LTN1: variants seen among roughly 807,000 people sequenced by gnomAD.
LTN1 encodes the protein listerin E3 ubiquitin protein ligase 1, also known as E3 ubiquitin-protein ligase listerin.
In LTN1, 88 loss-of-function variants were observed where a neutral mutation model predicts 201.2. The ratio of observed to expected loss-of-function variants is 0.44; its 90% CI spans 0.37 to 0.52. The LOEUF (loss-of-function observed/expected upper bound fraction) is 0.52, where lower values mean the gene tolerates loss of function less well. LTN1 is among the 20% of genes least tolerant of loss of function. The probability of loss-of-function intolerance (pLI) is 0.00; values close to 1 mark genes in which losing one functional copy is unlikely to be tolerated. For synonymous variants in LTN1, 645 were observed against 713.5 expected, an observed-to-expected ratio of 0.90 and a Z score of 1.53; for missense variants, 1,752 against 2,038.7, an observed-to-expected ratio of 0.86 and a Z score of 2.71.
chr21:28,930,379 T>C lies in LTN1; in HGVS notation c.*69A>G, dbSNP rs2146249182. ...CTCACTGGCTTCCCCACATCCACAC[T>C]TTCAGACGGATCCAAATCCAATGCC... On this transcript the variant is annotated 3_prime_UTR_variant, in exon 30 of 30. Transcript: ENST00000361371. 1 of 1,255,226 alleles carries C rather than the reference T, an allele frequency of 8.0e-7. No homozygotes were observed. Among genetic ancestry groups the C allele is most frequent in the Non-Finnish European group, 1.2e-6 (1 of 865,212 alleles). 77.8% of individuals were successfully genotyped at this position (1,255,226 alleles called of 1,614,324 possible).
intron 6 of LTN1, among the ~76,000 whole-genome samples, chr21:28,976,948 TCTAA>T (rs2084619919): frequency 6.6e-6 from 1 of 152,016 alleles, no homozygotes; most frequent in Non-Finnish European, 1.5e-5. Context: ...TTAGATGGGG[TCTAA>T]CTATGTCATG....
At chr21:28,948,593 T>A (rs1445164812) in intron 18 of LTN1, among the ~76,000 whole-genome samples, 1 of 152,120 alleles carries the variant, frequency 6.6e-6, no homozygotes, top group African/African-American at 2.4e-5. Flanking sequence ...TATTTGTGCA[T>A]ATATATAGTT....
At chr21:28,943,432 TAA>T in intron 23 of LTN1, 96 bp from the exon 24 acceptor site, 2 of 763,074 alleles carry the variant, frequency 2.6e-6, no homozygotes, top group Non-Finnish European at 4.4e-6. Flanking sequence ...TTATAATGAG[TAA>T]ATGTTTTAAT....
At chr21:28,970,514 CTG>C (rs2084564848) in intron 8 of LTN1, 36 bp downstream of exon 8, 3 of 1,356,718 alleles carry the variant, frequency 2.2e-6, no homozygotes, top group Non-Finnish European at 3.1e-6. Context: ...ACAAGAAAAT[CTG>C]TTTTGTTTTA....
In LTN1 at chr21:28,971,278, G is replaced by T. The variant is rs149697772; in HGVS notation, c.977C>A (p.Thr326Asn). The change falls in exon 7 of 30, where the codon ACT becomes AAT. Residue 326 changes from threonine (T) to asparagine (N), a missense_variant. Coordinates refer to ENST00000361371, the MANE Select transcript of LTN1 (RefSeq NM_015565.3). Reference sequence around the variant, plus strand: ...TGTGCCTCTCTTACATACCTCAATAGTTGTAAGTGTATAGAGTACAGCTTC... The same window carrying T: ...TGTGCCTCTCTTACATACCTCAATATTTGTAAGTGTATAGAGTACAGCTTC... ...LWEAVLYTLT[T>N]IEDCWLHVNA... 1.2e-6 allele frequency: 2 copies of T among 1,612,928 alleles called. No individual in the cohort carries two copies. Among genetic ancestry groups the T allele is most frequent in the Non-Finnish European group, 1.7e-6 (2 of 1,179,312 alleles).
intron 10 of LTN1, 150 bp from the exon 11 acceptor site, chr21:28,966,056 C>T (rs1033800185): frequency 1.1e-4 from 68 of 610,296 alleles, no homozygotes; most frequent in Non-Finnish European, 1.7e-4. Context: ...TACATGCATG[C>T]GCCAACATGC....
At position 28,943,686 on chromosome 21, in the gene LTN1, C is replaced by G. The variant is rs376034413; in HGVS notation, c.4201G>C (p.Val1401Leu). 82 of 1,608,866 alleles carry G rather than the reference C, an allele frequency of 5.1e-5. No individual in the cohort carries two copies. The highest frequency in any genetic ancestry group is 6.6e-5 in the Non-Finnish European group (77 of 1,175,454). ...LFRARPVQIA[V>L]YHMLYKLMPE... ...TCTTACTTGTATAGCATATGATAAA[C>G]AGCAATTTGCACAGGCCTAGCTCTG... The change falls in exon 23 of 30, where the codon GTT becomes CTT. Residue 1401 changes from valine (V) to leucine (L), a missense_variant. Physicochemically the swap from Val to Leu is conservative, Grantham distance 32. Transcript: ENST00000361371.
intron 25 of LTN1, among the ~76,000 whole-genome samples, chr21:28,937,387 T>TA (rs1056835138): frequency 1.3e-5 from 2 of 152,198 alleles, no homozygotes; most frequent in Admixed American, 6.5e-5. Context: ...CTTTTCTTTT[T>TA]AAAAAATTTG....
intron 1 of LTN1, among the ~76,000 whole-genome samples, chr21:28,990,927 G>A (rs1177029496): frequency 6.6e-6 from 1 of 151,380 alleles, no homozygotes; most frequent in African/African-American, 2.4e-5. Flanking sequence ...TGTTAAAACG[G>A]TTTATCTTTT....
chr21:28,984,745 G>A lies in LTN1; in HGVS notation c.523C>T (p.Pro175Ser). The change falls in exon 4 of 30, where the codon CCT becomes TCT. Residue 175 changes from proline to serine, a missense_variant. Pro to Ser is a moderately conservative substitution (Grantham distance 74). Coordinates refer to ENST00000361371, the MANE Select transcript of LTN1 (RefSeq NM_015565.3). ...AAKDAFEAAF[P>S]PSKQPEAIAF... ...ATGGCTTCAGGTTGCTTGCTTGGAG[G>A]AAAAGCCGCTTCAAATGCATCTTTT... 2 of 1,614,022 alleles carry A rather than the reference G, an allele frequency of 1.2e-6. No individual in the cohort carries two copies. Among genetic ancestry groups the A allele is most frequent in the Non-Finnish European group, 1.7e-6 (2 of 1,179,996 alleles).
Position 28,965,370 on chromosome 21 carries a change from T to C in LTN1, c.2163+495A>G, listed in dbSNP as rs114870688. ...TTTGTAAATTGTTTATGTTCTTTCA[T>C]TTCTTTTCATTATTCTTACCACTAA... On this transcript the variant is annotated intron_variant, in intron 11 of 29. Transcript: ENST00000361371. 2.7e-4 allele frequency among the ~76,000 whole-genome samples: 41 copies of C among 152,336 alleles called. 1 individual carries two copies. Among genetic ancestry groups the C allele is most frequent in the African/African-American group, 9.9e-4 (41 of 41,584 alleles).
intron 19 of LTN1, among the ~76,000 whole-genome samples, chr21:28,946,852 T>C (rs1476104810): frequency 1.3e-5 from 2 of 152,188 alleles, no homozygotes; most frequent in African/African-American, 4.8e-5. Flanking sequence ...TGTACCCTTG[T>C]ATGTTTTTGT....
Position 28,943,255 on chromosome 21 carries a change from A to G in LTN1, c.4295+7T>C. On this transcript the variant is annotated splice_region_variant and intron_variant, in intron 24 of 29. Transcript: ENST00000361371. ...TTAATAAAACAAATTATTTAAAAAA[A>G]CCTTACAAGGCTGGCTCTTCTTCTT... The G allele has an allele frequency of 1.3e-6, 2 of 1,572,714 alleles. No homozygotes were observed.
chr21:28,938,177 G>A (rs2084270811), intron 25 of LTN1, among the ~76,000 whole-genome samples: 1 of 152,048 alleles, frequency 6.6e-6, no homozygotes, highest in Non-Finnish European at 1.5e-5. Context: ...TGGGACAACT[G>A]AAAGTATCTA....
rs1382674276 is a variant in LTN1, at chr21:28,950,579, G to A, written c.3344+1581C>T. 2.6e-5 allele frequency among the ~76,000 whole-genome samples: 4 copies of A among 152,264 alleles called. No individual in the cohort carries two copies. The East Asian group carries it at 5.8e-4, about 22-fold the overall frequency. On this transcript the variant is annotated intron_variant, in intron 18 of 29. Coordinates refer to ENST00000361371, the MANE Select transcript of LTN1 (RefSeq NM_015565.3). Reference sequence around the variant, plus strand: ...TGCCCAGGCTGGAGTGCAGTGGCGTGATCTCTGCTCACTGCAACCTCCACC... The same window carrying A: ...TGCCCAGGCTGGAGTGCAGTGGCGTAATCTCTGCTCACTGCAACCTCCACC...
In LTN1 at chr21:28,933,003, G is replaced by C. The variant is rs930905164; in HGVS notation, c.4876-339C>G. ...GCTTCTCTTCCACACCCAGAGTATC[G>C]AATGTCACTTCTACATCTAACAATT... On this transcript the variant is annotated intron_variant, in intron 27 of 29. Transcript: ENST00000361371. Among the ~76,000 whole-genome samples, 4 of 152,076 alleles carry C rather than the reference G, an allele frequency of 2.6e-5. No homozygotes were observed. In the South Asian group the frequency reaches 8.3e-4, roughly 31 times the overall value.
At position 28,956,956 on chromosome 21, in the gene LTN1, A is replaced by G; in HGVS notation, c.2893-8T>C. On this transcript the variant is annotated splice_polypyrimidine_tract_variant and splice_region_variant and intron_variant, in intron 15 of 29. Transcript: ENST00000361371. Reference sequence around the variant, plus strand: ...AAGAGGTCTATGTAACCACTGTGAAAAGAATACGTTATATACAAAATTATT... The same window carrying G: ...AAGAGGTCTATGTAACCACTGTGAAGAGAATACGTTATATACAAAATTATT... The G allele has an allele frequency of 6.5e-7, 1 of 1,535,484 alleles. No homozygotes were observed. The highest frequency in any genetic ancestry group is 8.8e-7 in the Non-Finnish European group (1 of 1,130,324).
At position 28,946,213 on chromosome 21, in the gene LTN1, C is replaced by T; in HGVS notation, c.3562G>A (p.Gly1188Arg). 6.3e-7 allele frequency: 1 copy of T among 1,587,160 alleles called. No homozygotes were observed. Among genetic ancestry groups the T allele is most frequent in the Non-Finnish European group, 8.6e-7 (1 of 1,167,106 alleles). The change falls in exon 20 of 30, where the codon GGA (glycine) becomes AGA (arginine). Residue 1188 changes from glycine to arginine, a missense_variant. Around this residue, in one of 3 missense-constraint regions of LTN1, gnomAD observed 1,211 missense variants for 1,312.8 expected, o/e 0.92. Transcript: ENST00000361371. ...KSIDDGELLH[G>R]ILKIIISWKK... Reference sequence around the variant, plus strand: ...CAGGATATTATGATTTTTAATATTCCATGTAATAGCTCTCCATCATCTATA... The same window carrying T: ...CAGGATATTATGATTTTTAATATTCTATGTAATAGCTCTCCATCATCTATA...
In LTN1 at chr21:28,958,379, AG is replaced by A; in HGVS notation, c.2747+6del. The A allele has an allele frequency of 1.3e-6, 2 of 1,593,448 alleles. No individual in the cohort carries two copies. The highest frequency in any genetic ancestry group is 1.7e-6 in the Non-Finnish European group (2 of 1,174,656). On this transcript the variant is annotated splice_donor_region_variant and intron_variant, in intron 14 of 29. Coordinates refer to ENST00000361371, the MANE Select transcript of LTN1 (RefSeq NM_015565.3). ...GAGACACTGAAACCAAGCTCAAAAA[AG>A]GTTACCTGTTGATATCCAAAGATGA...
Sources: gnomAD v4.1 joint callset for allele counts (sites outside exome capture counted in the v4.1 genomes callset) on GRCh38, gnomAD v4.1.1 for gene constraint, gnomAD v4.1.1 regional missense constraint, MANE v1.5 for transcripts, NCBI Gene and HGNC (gene_info 2026-07-23, HGNC 2026-07-21) for gene names.